Variants in COL12A1 observed in about 807,000 individuals in gnomAD.
The protein encoded by COL12A1 is collagen alpha-1(XII) chain.
In COL12A1, 114 loss-of-function variants were observed where a neutral mutation model predicts 349.7. The observed-to-expected ratio is 0.33, with a 90% CI of 0.28 to 0.38. The LOEUF is 0.38. Ranked by LOEUF, COL12A1 falls within the 10% of genes least tolerant of loss-of-function variation. COL12A1 has a pLI of 1.00. For missense variants in COL12A1, 3,284 were observed against 3,756.9 expected (o/e 0.87, Z 3.29); for synonymous variants, 1,369 against 1,329.0 (o/e 1.03, Z -0.66).
intron 31 of COL12A1, 91 bp downstream of exon 31, chr6:75,137,342 AAAGT>A: frequency 8.7e-7 from 1 of 1,154,078 alleles, no homozygotes; most frequent in South Asian, 1.6e-5. Context: ...TATCCCTTAA[AAAGT>A]AAGTATGACT....
chr6:75,130,665 CAGA>C (rs1283356686), intron 36 of COL12A1, among the ~76,000 whole-genome samples, 184 bp downstream of exon 36: 3 of 152,074 alleles, frequency 2.0e-5, no homozygotes, highest in Non-Finnish European at 4.4e-5. Flanking sequence ...AGAACACGAA[CAGA>C]AGAAGTTCAC....
At chr6:75,193,649 T>C (rs1261122069) in intron 3 of COL12A1, among the ~76,000 whole-genome samples, 1 of 152,216 alleles carries the variant, frequency 6.6e-6, no homozygotes, top group African/African-American at 2.4e-5. Flanking sequence ...GTTACGTATG[T>C]ATACATGTGC....
intron 37 of COL12A1, among the ~76,000 whole-genome samples, chr6:75,129,786 A>C (rs1766211992): frequency 1.3e-5 from 2 of 152,206 alleles, no homozygotes; most frequent in Admixed American, 1.3e-4. Context: ...ATCACATTTC[A>C]CTAAACTTGG....
chr6:75,145,812 A>G (rs537799951), intron 24 of COL12A1, among the ~76,000 whole-genome samples: 8 of 151,958 alleles, frequency 5.3e-5, no homozygotes, highest in African/African-American at 1.7e-4. Flanking sequence ...TTGTATTTTT[A>G]GTAGAAACGG....
intron 11 of COL12A1, among the ~76,000 whole-genome samples, chr6:75,178,451 A>G (rs938558308): frequency 1.3e-5 from 2 of 152,226 alleles, no homozygotes; most frequent in African/African-American, 4.8e-5. Context: ...GAATAATTCA[A>G]CCATACACAG....
intron 52 of COL12A1, among the ~76,000 whole-genome samples, chr6:75,108,783 C>T (rs1768688644): frequency 6.6e-6 from 1 of 152,106 alleles, no homozygotes; most frequent in Non-Finnish European, 1.5e-5. Flanking sequence ...ACATGGTGTT[C>T]CCTGGTGCCT....
chr6:75,183,903 A>G lies in COL12A1; in HGVS notation c.1239T>C (p.Ser413=), dbSNP rs1769468260. ...TCTTCTCCATTATTGAAATGGGTTC[A>G]CTGGATGTCATTCCCTTCATGGCGG... ...SVSAMKGMTS[S]EPISIMEKTQ... is the part of the protein sequence containing the mutation. The change falls in exon 9 of 66, where the codon AGT becomes AGC. Residue 413 remains serine (S), a synonymous_variant. Transcript: ENST00000322507. 1.2e-6 allele frequency: 2 copies of G among 1,614,066 alleles called. No homozygotes were observed. Among genetic ancestry groups the G allele is most frequent in the Admixed American group, 1.7e-5 (1 of 59,996 alleles).
chr6:75,111,302 C>T (rs1186709223), intron 51 of COL12A1, among the ~76,000 whole-genome samples: 6 of 151,568 alleles, frequency 4.0e-5, no homozygotes, highest in African/African-American at 1.5e-4. Context: ...AAAGACAGAG[C>T]TTGTGAGGAG....
chr6:75,144,887 C>T lies in COL12A1; in HGVS notation c.4690+439G>A, dbSNP rs2149404933. ...ATGTGCCACAGAGTTTCTACATCAACAAGAACTTGGAGCACCTTGATATTA... is the reference window on the plus strand; with the variant it reads ...ATGTGCCACAGAGTTTCTACATCAATAAGAACTTGGAGCACCTTGATATTA... On this transcript the variant is annotated intron_variant, in intron 25 of 65. Coordinates refer to ENST00000322507, the MANE Select transcript of COL12A1 (RefSeq NM_004370.6). 2.0e-5 allele frequency among the ~76,000 whole-genome samples: 3 copies of T among 152,326 alleles called. No individual in the cohort carries two copies. In the Middle Eastern group the frequency reaches 0.01, roughly 518 times the overall value.
chr6:75,124,872 T>A (rs540533406), intron 40 of COL12A1, among the ~76,000 whole-genome samples: 29 of 152,332 alleles, frequency 1.9e-4, no homozygotes, highest in South Asian at 8.3e-4. Flanking sequence ...ACAATTTCTA[T>A]AATTTTTATC....
chr6:75,143,297 A>G lies in COL12A1; in HGVS notation c.4782T>C (p.Arg1594=). The G allele has an allele frequency of 6.2e-7, 1 of 1,613,986 alleles. No individual in the cohort carries two copies. Among genetic ancestry groups the G allele is most frequent in the Non-Finnish European group, 8.5e-7 (1 of 1,179,928 alleles). Residue 1594 remains arginine (R), a synonymous_variant, in exon 26 of 66, where the codon CGT becomes CGC. Coordinates refer to ENST00000322507, the MANE Select transcript of COL12A1 (RefSeq NM_004370.6). Reference sequence around the variant, plus strand: ...GTGTTTTGTATCGAACAATATATTTACGCACTTTTCCAGGCACAGGTTCCC... The same window carrying G: ...GTGTTTTGTATCGAACAATATATTTGCGCACTTTTCCAGGCACAGGTTCCC... The part of the protein sequence containing the change: ...VFWEPVPGKV[R]KYIVRYKTPE...
chr6:75,122,783 A>T (rs1765810401), intron 43 of COL12A1, among the ~76,000 whole-genome samples: 1 of 152,274 alleles, frequency 6.6e-6, no homozygotes, highest in Non-Finnish European at 1.5e-5. Context: ...TTAATTTGAC[A>T]AAGTGCTAGA....
chr6:75,115,929 A>G lies in COL12A1; in HGVS notation c.7559-7T>C, dbSNP rs561237948. 1.2e-6 allele frequency: 2 copies of G among 1,612,250 alleles called. No homozygotes were observed. Among genetic ancestry groups the G allele is most frequent in the Non-Finnish European group, 1.7e-6 (2 of 1,179,346 alleles). On this transcript the variant is annotated splice_region_variant and splice_polypyrimidine_tract_variant and intron_variant, in intron 48 of 65. Coordinates refer to ENST00000322507, the MANE Select transcript of COL12A1 (RefSeq NM_004370.6). ...GCTTCAAGCATTTTAAAACCTTTAC[A>G]TCAGAAAAGAAAATATTAAACGGAG...
chr6:75,103,878 C>G (rs1248861523), intron 54 of COL12A1, 68 bp from the exon 55 acceptor site: 1 of 1,315,688 alleles, frequency 7.6e-7, no homozygotes, highest in African/African-American at 1.5e-5. Context: ...TACAAAAAGT[C>G]CTTCAAGAAA....
At position 75,117,449 on chromosome 6, in the gene COL12A1, G is replaced by C; in HGVS notation, c.7452C>G (p.Asp2484Glu). 6.2e-7 allele frequency: 1 copy of C among 1,613,706 alleles called. No homozygotes were observed. ...KPSERHVFIV[D>E]DFESFEKIED... ...CGATCTTCTCAAAAGATTCAAAGTCGTCCACAATGAACACGTGCCGTTCAC... is the reference window on the plus strand; with the variant it reads ...CGATCTTCTCAAAAGATTCAAAGTCCTCCACAATGAACACGTGCCGTTCAC... Residue 2484 changes from aspartate (D) to glutamate (E), a missense_variant, in exon 47 of 66, where the codon GAC (aspartate) becomes GAG (glutamate). Asp to Glu is a conservative substitution (Grantham distance 45). This residue lies in a region of COL12A1 where 683 missense variants were observed against 932.1 expected (regional missense o/e 0.73). Coordinates refer to ENST00000322507, the MANE Select transcript of COL12A1 (RefSeq NM_004370.6).
chr6:75,185,665 T>A (rs993136505), intron 8 of COL12A1, among the ~76,000 whole-genome samples: 2 of 152,104 alleles, frequency 1.3e-5, no homozygotes, highest in African/African-American at 4.8e-5. Context: ...TCCAAGGCAA[T>A]CCTAAGCAGA....
At chr6:75,176,928 C>A (rs1768988552) in intron 12 of COL12A1, among the ~76,000 whole-genome samples, 1 of 152,110 alleles carries the variant, frequency 6.6e-6, no homozygotes, top group Non-Finnish European at 1.5e-5. Flanking sequence ...TTAATAATTT[C>A]AACAAACATC....
At chr6:75,160,577 A>G (rs1767981337) in intron 14 of COL12A1, among the ~76,000 whole-genome samples, 1 of 152,132 alleles carries the variant, frequency 6.6e-6, no homozygotes, top group South Asian at 2.1e-4. Context: ...CTTCTTTCTT[A>G]TTTACTTAGA....
intron 58 of COL12A1, among the ~76,000 whole-genome samples, chr6:75,099,976 G>A (rs767773111): frequency 1.3e-5 from 2 of 152,114 alleles, no homozygotes; most frequent in South Asian, 4.1e-4. Flanking sequence ...CATACTCAAA[G>A]TCTCTCTAAT....
Sources: gnomAD v4.1 joint callset for allele counts (sites outside exome capture counted in the v4.1 genomes callset) on GRCh38, gnomAD v4.1.1 for gene constraint, gnomAD v4.1.1 regional missense constraint, MANE v1.5 for transcripts, NCBI Gene and HGNC (gene_info 2026-07-23, HGNC 2026-07-21) for gene names.